Variants in XPO4 observed in about 807,000 individuals in gnomAD.
XPO4 encodes exportin-4.
A neutral mutation model predicts 143.0 loss-of-function variants in XPO4; 39 were observed. That is an observed-to-expected ratio of 0.27 (90% CI 0.21 to 0.36). The LOEUF is 0.36. Ranked by LOEUF, XPO4 falls within the 10% of genes least tolerant of loss-of-function variation. The pLI is 1.00. For synonymous variants in XPO4, 439 were observed against 474.0 expected, an observed-to-expected ratio of 0.93 and a Z score of 0.96; for missense variants, 907 against 1,348.0, an observed-to-expected ratio of 0.67 and a Z score of 5.12.
At chr13:20,824,760 G>A (rs1398973566) in intron 7 of XPO4, among the ~76,000 whole-genome samples, 1 of 152,180 alleles carries the variant, frequency 6.6e-6, no homozygotes, top group Non-Finnish European at 1.5e-5. Context: ...AAGCCCAGCA[G>A]GACGCCCAGT....
intron 3 of XPO4, among the ~76,000 whole-genome samples, chr13:20,857,563 TA>T (rs562557674): frequency 2.9e-3 from 402 of 140,850 alleles, no homozygotes; most frequent in Non-Finnish European, 2.6e-3. Context: ...CCGTCTCTAC[TA>T]AAAAAAAAAA....
At chr13:20,825,546 G>T (rs541384581) in intron 7 of XPO4, among the ~76,000 whole-genome samples, 27 of 152,310 alleles carry the variant, frequency 1.8e-4, no homozygotes, top group African/African-American at 6.0e-4. Flanking sequence ...GCGTGTGGTT[G>T]TTCACAGCTG....
At chr13:20,795,437 GTATT>G (rs1249320611) in intron 18 of XPO4, among the ~76,000 whole-genome samples, 1 of 152,264 alleles carries the variant, frequency 6.6e-6, no homozygotes, top group East Asian at 1.9e-4. Context: ...ACACTGAAAG[GTATT>G]TATTATCATA....
chr13:20,879,414 C>G, intron 1 of XPO4: 1 of 726,070 alleles, frequency 1.4e-6, no homozygotes, highest in Non-Finnish European at 1.7e-6. Context: ...ACAAGCAGGC[C>G]TATGACAGGT....
rs1418284437 is a variant in XPO4, at chr13:20,782,759, C to T, written c.*963G>A. ...CATAGCAGCTAACACCCTAAACCAA[C>T]TCTGAAGCATCAAGACGTGGTTTCT... is the stretch of plus-strand genomic sequence containing the variant. On this transcript the variant is annotated 3_prime_UTR_variant, in exon 23 of 23. Transcript: ENST00000255305. The T allele has an allele frequency of 1.3e-5, 2 of 152,620 alleles. No homozygotes were observed. Among genetic ancestry groups the T allele is most frequent in the African/African-American group, 4.8e-5 (2 of 41,434 alleles). 9.5% of individuals were successfully genotyped at this position (152,620 alleles called of 1,614,324 possible).
rs146757998 is a variant in XPO4 at position 20,789,933 on chromosome 13, T to C, written c.2916+529A>G. ...AAGTTGCCTCACCGCCACCACACCC[T>C]CAATATTAACTGACAAAACCAAGGC... On this transcript the variant is annotated intron_variant, in intron 19 of 22. Transcript: ENST00000255305. Among the ~76,000 whole-genome samples the C allele has an allele frequency of 4.8e-3, 736 of 152,166 alleles. 3 individuals carry two copies. Among genetic ancestry groups the C allele is most frequent in the Non-Finnish European group, 9.3e-3 (632 of 67,984 alleles).
At chr13:20,860,269 C>T (rs1345668633) in intron 3 of XPO4, among the ~76,000 whole-genome samples, 1 of 152,182 alleles carries the variant, frequency 6.6e-6, no homozygotes, top group Non-Finnish European at 1.5e-5. Context: ...AGGCCAAAAA[C>T]AATTTTTTTA....
At chr13:20,784,708 TGAG>T (rs1209776426) in intron 22 of XPO4, among the ~76,000 whole-genome samples, 1 of 152,126 alleles carries the variant, frequency 6.6e-6, no homozygotes, top group African/African-American at 2.4e-5. Flanking sequence ...TTTGGGAGGC[TGAG>T]GAGGGATGAC....
chr13:20,852,016 T>A, intron 4 of XPO4: 1 of 985,388 alleles, frequency 1.0e-6, no homozygotes, highest in Non-Finnish European at 1.2e-6. Flanking sequence ...AAGTATGTGC[T>A]CATTCCTGAG....
chr13:20,834,001 GAAGC>G (rs1421421797), intron 6 of XPO4, among the ~76,000 whole-genome samples: 1 of 152,104 alleles, frequency 6.6e-6, no homozygotes, highest in Non-Finnish European at 1.5e-5. Flanking sequence ...AACAGAATGA[GAAGC>G]AAGTGAATTT....
intron 1 of XPO4, among the ~76,000 whole-genome samples, chr13:20,890,920 C>A (rs563922848): frequency 1.3e-5 from 2 of 151,384 alleles, no homozygotes; most frequent in Non-Finnish European, 2.9e-5. Flanking sequence ...CCAGCCTGAC[C>A]GGACCAACAT....
At chr13:20,871,408 C>T (rs1400631033) in intron 1 of XPO4, among the ~76,000 whole-genome samples, 1 of 152,174 alleles carries the variant, frequency 6.6e-6, no homozygotes, top group Non-Finnish European at 1.5e-5. Context: ...TAACCTCAAA[C>T]TCTTGGGCTC....
At chr13:20,879,881 A>C (rs193055863) in intron 1 of XPO4, among the ~76,000 whole-genome samples, 1 of 152,318 alleles carries the variant, frequency 6.6e-6, no homozygotes, top group African/African-American at 2.4e-5. Flanking sequence ...CAAAAAACCA[A>C]ATAACCTGAT....
intron 1 of XPO4, among the ~76,000 whole-genome samples, chr13:20,893,223 A>T (rs973909309): frequency 3.3e-5 from 5 of 152,206 alleles, no homozygotes; most frequent in African/African-American, 1.2e-4. Context: ...TTTATATTTC[A>T]CAACACTTAA....
At chr13:20,888,512 G>A (rs1221438487) in intron 1 of XPO4, among the ~76,000 whole-genome samples, 1 of 151,986 alleles carries the variant, frequency 6.6e-6, no homozygotes, top group Admixed American at 6.6e-5. Context: ...CTCCACACAT[G>A]GATAATTTTT....
chr13:20,862,625 C>CA (rs1438872553), intron 3 of XPO4, 92 bp downstream of exon 3: 3 of 1,547,400 alleles, frequency 1.9e-6, no homozygotes, highest in Non-Finnish European at 2.6e-6. Flanking sequence ...TATACCCACC[C>CA]AAAAGTTTTT....
intron 18 of XPO4, among the ~76,000 whole-genome samples, chr13:20,795,871 G>C (rs988890538): frequency 2.0e-5 from 3 of 152,176 alleles, no homozygotes; most frequent in Non-Finnish European, 2.9e-5. Flanking sequence ...CAATGAATGA[G>C]AGATACTATT....
At chr13:20,866,219 G>A (rs1173474254) in intron 2 of XPO4, 2 of 985,122 alleles carry the variant, frequency 2.0e-6, no homozygotes, top group Non-Finnish European at 2.4e-6. Context: ...GCACAAGCAT[G>A]CCACATGCAT....
intron 21 of XPO4, 103 bp downstream of exon 21, chr13:20,787,378 C>A: frequency 8.9e-7 from 1 of 1,124,172 alleles, no homozygotes; most frequent in Non-Finnish European, 1.3e-6. Flanking sequence ...TTTCCTTGCC[C>A]CCGAAAGAAT....
Sources: gnomAD v4.1 joint callset for allele counts (sites outside exome capture counted in the v4.1 genomes callset) on GRCh38, gnomAD v4.1.1 for gene constraint, MANE v1.5 for transcripts, NCBI Gene and HGNC (gene_info 2026-07-23, HGNC 2026-07-21) for gene names.